The following TTC28 variants were observed in gnomAD, a reference collection of about 807,000 sequenced individuals.
TTC28 encodes the protein tetratricopeptide repeat protein 28.
Under a neutral mutation model 198.0 loss-of-function variants are expected in TTC28, and 61 were observed. That is an observed-to-expected ratio of 0.31 (90% CI 0.25 to 0.38). The LOEUF (loss-of-function observed/expected upper bound fraction) is 0.38. Among genes scored for constraint, TTC28 ranks in the 10% least tolerant of loss-of-function variants. The pLI is 1.00. For missense variants in TTC28, 2,678 were observed against 3,164.0 expected (o/e 0.85, Z 3.69); for synonymous variants, 1,171 against 1,297.8 (o/e 0.90, Z 2.10).
chr22:28,504,075 T>C (rs975485995), intron 2 of TTC28, among the ~76,000 whole-genome samples: 7 of 152,204 alleles, frequency 4.6e-5, no homozygotes, highest in Non-Finnish European at 1.0e-4. Flanking sequence ...ATCTTTAATA[T>C]AAACCTGGCA....
At chr22:28,084,263 G>A (rs1383112067) in intron 12 of TTC28, among the ~76,000 whole-genome samples, 3 of 152,220 alleles carry the variant, frequency 2.0e-5, no homozygotes, top group Non-Finnish European at 4.4e-5. Context: ...GCACACCCCA[G>A]TAGCGGCGGA....
chr22:28,185,422 A>G (rs1429608225), intron 5 of TTC28, among the ~76,000 whole-genome samples: 1 of 152,164 alleles, frequency 6.6e-6, no homozygotes, highest in Non-Finnish European at 1.5e-5. Context: ...TTTCCTAATA[A>G]TTGTAATGGT....
intron 2 of TTC28, among the ~76,000 whole-genome samples, chr22:28,315,516 T>C (rs952946586): frequency 1.3e-5 from 2 of 152,354 alleles, no homozygotes; most frequent in African/African-American, 2.4e-5. Flanking sequence ...GTTTTACTTG[T>C]TCACATTTAG....
At chr22:28,296,958 T>C (rs902852753) in intron 4 of TTC28, among the ~76,000 whole-genome samples, 1 of 152,168 alleles carries the variant, frequency 6.6e-6, no homozygotes, top group African/African-American at 2.4e-5. Flanking sequence ...CTCTATACTA[T>C]ACTAATCTCC....
intron 2 of TTC28, among the ~76,000 whole-genome samples, chr22:28,467,952 G>A (rs996954494): frequency 9.3e-5 from 14 of 150,490 alleles, no homozygotes; most frequent in South Asian, 2.1e-4. Flanking sequence ...TTTTTCTTTC[G>A]TAAAGACGGG....
At chr22:28,110,205 C>T (rs1942445250) in intron 6 of TTC28, among the ~76,000 whole-genome samples, 1 of 152,184 alleles carries the variant, frequency 6.6e-6, no homozygotes, top group Non-Finnish European at 1.5e-5. Flanking sequence ...GGTCCTGACT[C>T]CTCCCTTGCA....
chr22:28,062,413 C>CTTTT (rs57398979), intron 12 of TTC28, among the ~76,000 whole-genome samples: 1 of 102,344 alleles, frequency 9.8e-6, no homozygotes, highest in African/African-American at 3.7e-5. Flanking sequence ...TTTAACTCTT[C>CTTTT]TTTTTTTTTT....
chr22:28,363,993 A>T (rs1021448387), intron 2 of TTC28, among the ~76,000 whole-genome samples: 9 of 152,122 alleles, frequency 5.9e-5, no homozygotes, highest in African/African-American at 2.2e-4. Flanking sequence ...TTGAGTTAAT[A>T]CTAAAATGAG....
intron 12 of TTC28, among the ~76,000 whole-genome samples, chr22:28,082,159 T>C (rs529202114): frequency 6.6e-6 from 1 of 152,356 alleles, no homozygotes; most frequent in South Asian, 2.1e-4. Flanking sequence ...TTTGGTAGAA[T>C]CTTTCAAGTT....
At chr22:28,192,841 A>G (rs544764814) in intron 5 of TTC28, among the ~76,000 whole-genome samples, 1 of 152,350 alleles carries the variant, frequency 6.6e-6, no homozygotes, top group South Asian at 2.1e-4. Context: ...TGACTGAGAG[A>G]ATGCAAACAA....
chr22:28,361,391 T>C (rs1053372556), intron 2 of TTC28, among the ~76,000 whole-genome samples: 1 of 152,146 alleles, frequency 6.6e-6, no homozygotes, highest in African/African-American at 2.4e-5. Flanking sequence ...GTGATCTGGA[T>C]AGAGATCAAA....
chr22:28,183,048 GT>G (rs1427818898), intron 5 of TTC28, among the ~76,000 whole-genome samples: 1 of 146,080 alleles, frequency 6.8e-6, no homozygotes, highest in Non-Finnish European at 1.5e-5. Flanking sequence ...CCCCTTCAAT[GT>G]CTTTTTTTTT....
chr22:28,630,035 T>G (rs2051147848), intron 1 of TTC28, among the ~76,000 whole-genome samples: 1 of 151,900 alleles, frequency 6.6e-6, no homozygotes, highest in African/African-American at 2.4e-5. Flanking sequence ...GTGAGGGAAT[T>G]CTTACTCTAT....
chr22:28,411,723 T>C (rs577642816), intron 2 of TTC28, among the ~76,000 whole-genome samples: 1 of 152,334 alleles, frequency 6.6e-6, no homozygotes, highest in East Asian at 1.9e-4. Flanking sequence ...AGAAGAATAG[T>C]TCCAACCACT....
intron 2 of TTC28, among the ~76,000 whole-genome samples, chr22:28,584,382 C>T (rs1216429627): frequency 6.6e-6 from 1 of 152,164 alleles, no homozygotes; most frequent in African/African-American, 2.4e-5. Flanking sequence ...ATCTCTGTAG[C>T]ATCACCACCT....
intron 13 of TTC28, among the ~76,000 whole-genome samples, chr22:28,029,562 G>A (rs1275145507): frequency 6.6e-6 from 1 of 152,206 alleles, no homozygotes; most frequent in Non-Finnish European, 1.5e-5. Flanking sequence ...ACAACAGTGG[G>A]ACAGGTGTCC....
chr22:28,570,319 A>G (rs1312944472), intron 2 of TTC28, among the ~76,000 whole-genome samples: 4 of 152,248 alleles, frequency 2.6e-5, no homozygotes, highest in African/African-American at 9.6e-5. Context: ...ATGCCCATCA[A>G]TGGTGGACAA....
chr22:28,181,030 A>G (rs1295902577), intron 5 of TTC28, among the ~76,000 whole-genome samples: 2 of 152,164 alleles, frequency 1.3e-5, no homozygotes, highest in Non-Finnish European at 2.9e-5. Context: ...TAGTGGGAAT[A>G]GTTGGTTTTA....
At chr22:28,296,940 C>T (rs2044908385) in intron 4 of TTC28, among the ~76,000 whole-genome samples, 3 of 152,214 alleles carry the variant, frequency 2.0e-5, no homozygotes, top group South Asian at 4.1e-4. Context: ...ACAGTATACA[C>T]TCTTAACCTC....
Sources: allele counts gnomAD v4.1 joint callset (sites outside exome capture counted in the v4.1 genomes callset), GRCh38; gene constraint gnomAD v4.1.1; transcripts MANE v1.5; gene names NCBI Gene and HGNC (gene_info 2026-07-23, HGNC 2026-07-21).